Variants in KCND2 observed in about 807,000 individuals in gnomAD.
The protein encoded by KCND2 is A-type voltage-gated potassium channel KCND2.
A neutral mutation model predicts 54.4 loss-of-function variants in KCND2; 16 were observed. That is an observed-to-expected ratio of 0.29 (90% confidence interval 0.20 to 0.45). The LOEUF (loss-of-function observed/expected upper bound fraction) is 0.45, where lower values mean the gene tolerates loss of function less well. KCND2 is among the 20% of genes least tolerant of loss of function. The pLI, the probability that KCND2 is intolerant of heterozygous loss-of-function variation, is 1.00. For missense variants in KCND2, 486 were observed against 824.2 expected (o/e 0.59, Z 5.02); for synonymous variants, 317 against 310.7 (o/e 1.02, Z -0.21).
At chr7:120,386,655 C>T (rs1481542710) in intron 1 of KCND2, among the ~76,000 whole-genome samples, 2 of 152,030 alleles carry the variant, frequency 1.3e-5, no homozygotes, top group South Asian at 2.1e-4. Context: ...AGTTTTTTAA[C>T]CTAATAAACA....
At chr7:120,722,681 A>G (rs929341318) in intron 1 of KCND2, among the ~76,000 whole-genome samples, 3 of 152,236 alleles carry the variant, frequency 2.0e-5, no homozygotes, top group African/African-American at 7.2e-5. Context: ...CAACTTAAAA[A>G]TGCCATGAGA....
At chr7:120,726,776 C>T (rs1386874928) in intron 1 of KCND2, among the ~76,000 whole-genome samples, 2 of 152,142 alleles carry the variant, frequency 1.3e-5, no homozygotes, top group African/African-American at 2.4e-5. Context: ...CCAGCAACTG[C>T]CCTATACAAT....
At chr7:120,315,500 C>T (rs1253152822) in intron 1 of KCND2, among the ~76,000 whole-genome samples, 1 of 152,174 alleles carries the variant, frequency 6.6e-6, no homozygotes, top group Non-Finnish European at 1.5e-5. Flanking sequence ...ATCAGAATGA[C>T]ACCTACATTG....
At chr7:120,679,337 G>A (rs1005437470) in intron 1 of KCND2, among the ~76,000 whole-genome samples, 1 of 151,688 alleles carries the variant, frequency 6.6e-6, no homozygotes, top group African/African-American at 2.4e-5. Flanking sequence ...CTGTTCACAG[G>A]GCTTAATAAC....
intron 1 of KCND2, among the ~76,000 whole-genome samples, chr7:120,647,042 T>G (rs556691589): frequency 3.3e-5 from 5 of 152,350 alleles, no homozygotes; most frequent in African/African-American, 1.2e-4. Context: ...AGTATTTCTT[T>G]TACCTGAAAT....
chr7:120,382,596 T>C (rs1327372589), intron 1 of KCND2, among the ~76,000 whole-genome samples: 1 of 151,888 alleles, frequency 6.6e-6, no homozygotes, highest in Non-Finnish European at 1.5e-5. Context: ...TTTGTAATGC[T>C]AAATTAATGA....
chr7:120,323,213 T>G (rs2116333296), intron 1 of KCND2, among the ~76,000 whole-genome samples: 1 of 152,300 alleles, frequency 6.6e-6, no homozygotes, highest in South Asian at 2.1e-4. Flanking sequence ...TTCTCATTAT[T>G]CAACTCCCAC....
At chr7:120,505,668 T>C (rs1803004569) in intron 1 of KCND2, among the ~76,000 whole-genome samples, 1 of 151,802 alleles carries the variant, frequency 6.6e-6, no homozygotes, top group Non-Finnish European at 1.5e-5. Flanking sequence ...GGTTACTCTA[T>C]GGGCCTTGCT....
chr7:120,727,989 C>G (rs1160678502), intron 1 of KCND2, among the ~76,000 whole-genome samples: 2 of 151,634 alleles, frequency 1.3e-5, no homozygotes, highest in Non-Finnish European at 1.5e-5. Context: ...CAAAAATTAG[C>G]TGGGTGTGGT....
chr7:120,602,675 T>C (rs939715775), intron 1 of KCND2, among the ~76,000 whole-genome samples: 1 of 152,220 alleles, frequency 6.6e-6, no homozygotes, highest in South Asian at 2.1e-4. Flanking sequence ...AGAAATGTAT[T>C]CAGCCTCAAG....
intron 1 of KCND2, among the ~76,000 whole-genome samples, chr7:120,605,315 A>G (rs1470340939): frequency 6.6e-6 from 1 of 152,200 alleles, no homozygotes; most frequent in Non-Finnish European, 1.5e-5. Context: ...AAATGCAGTC[A>G]TTCCACATTT....
intron 1 of KCND2, among the ~76,000 whole-genome samples, chr7:120,388,411 G>C (rs1332494083): frequency 6.6e-6 from 1 of 152,026 alleles, no homozygotes; most frequent in African/African-American, 2.4e-5. Context: ...GTACAAAGTA[G>C]ATGCCAACAA....
At chr7:120,660,400 G>A (rs1029256854) in intron 1 of KCND2, among the ~76,000 whole-genome samples, 1 of 152,136 alleles carries the variant, frequency 6.6e-6, no homozygotes, top group African/African-American at 2.4e-5. Flanking sequence ...AAGTGAATGT[G>A]GAAAGGAATC....
At chr7:120,324,640 T>C (rs1799946174) in intron 1 of KCND2, among the ~76,000 whole-genome samples, 2 of 150,496 alleles carry the variant, frequency 1.3e-5, no homozygotes, top group Admixed American at 6.6e-5. Context: ...GAGGGCTCTG[T>C]TCTGTTCCAT....
At chr7:120,652,632 G>T (rs1463377317) in intron 1 of KCND2, among the ~76,000 whole-genome samples, 1 of 152,196 alleles carries the variant, frequency 6.6e-6, no homozygotes, top group African/African-American at 2.4e-5. Context: ...GAACTGTAAA[G>T]ATATTTCTGA....
At chr7:120,620,700 A>C (rs1035949557) in intron 1 of KCND2, among the ~76,000 whole-genome samples, 10 of 152,308 alleles carry the variant, frequency 6.6e-5, no homozygotes, top group African/African-American at 1.9e-4. Context: ...TGATGATACT[A>C]GGCAAGTAAA....
chr7:120,305,809 TC>T (rs1799645902), intron 1 of KCND2, among the ~76,000 whole-genome samples: 2 of 152,246 alleles, frequency 1.3e-5, no homozygotes, highest in South Asian at 4.1e-4. Context: ...GCAACAGACT[TC>T]ATTATTGCTG....
chr7:120,587,230 A>T (rs1792611312), intron 1 of KCND2, among the ~76,000 whole-genome samples: 1 of 152,270 alleles, frequency 6.6e-6, no homozygotes, highest in Admixed American at 6.5e-5. Flanking sequence ...CCCTAATCCA[A>T]GACTTCTAAT....
chr7:120,484,983 C>G (rs185369511), intron 1 of KCND2, among the ~76,000 whole-genome samples: 21 of 152,168 alleles, frequency 1.4e-4, no homozygotes, highest in African/African-American at 2.4e-5. Flanking sequence ...AACTCCTGGA[C>G]TCAAGTGATC....
Sources: gnomAD v4.1 joint callset for allele counts (sites outside exome capture counted in the v4.1 genomes callset) on GRCh38, gnomAD v4.1.1 for gene constraint, MANE v1.5 for transcripts, NCBI Gene and HGNC (gene_info 2026-07-23, HGNC 2026-07-21) for gene names.